OR6N1: variants seen among roughly 807,000 people sequenced by gnomAD.
OR6N1 encodes olfactory receptor family 6 subfamily N member 1.
For missense variants in OR6N1, 394 were observed against 371.7 expected (o/e 1.06, Z -0.49); for synonymous variants, 170 against 150.7 (o/e 1.13, Z -0.94).
At chr1:158,770,299 C>T (rs1417965115) in intron 1 of OR6N1, among the ~76,000 whole-genome samples, 1 of 152,158 alleles carries the variant, frequency 6.6e-6, no homozygotes, top group African/African-American at 2.4e-5. Flanking sequence ...CCATACTCTG[C>T]CTAAGCAATC....
chr1:158,773,291 C>T (rs183590401), upstream of OR6N1, among the ~76,000 whole-genome samples: 54 of 151,882 alleles, frequency 3.6e-4, no homozygotes, highest in African/African-American at 1.1e-3. Flanking sequence ...GACTAGTATA[C>T]GTAGAGTTTA....
At chr1:158,823,840 G>T in the OR6N1 span, among the ~76,000 whole-genome samples, 1 of 151,962 alleles carries the variant, frequency 6.6e-6, no homozygotes. Flanking sequence ...TTTGATGAGG[G>T]CATTTAGTGC....
chr1:158,807,304 GTACAGACA>G, the OR6N1 span, among the ~76,000 whole-genome samples: 1 of 152,192 alleles, frequency 6.6e-6, no homozygotes, highest in Non-Finnish European at 1.5e-5. Flanking sequence ...TTCTGGCATA[GTACAGACA>G]TACATAAAAT....
chr1:158,821,729 A>C, the OR6N1 span, among the ~76,000 whole-genome samples: 1 of 152,188 alleles, frequency 6.6e-6, no homozygotes, highest in African/African-American at 2.4e-5. Flanking sequence ...ATTATGAGTA[A>C]AGAGGCTATA....
chr1:158,827,211 C>T, the OR6N1 span, among the ~76,000 whole-genome samples: 1 of 152,176 alleles, frequency 6.6e-6, no homozygotes, highest in African/African-American at 2.4e-5. Flanking sequence ...ATTCAATTGC[C>T]TCAGCTCATT....
At chr1:158,820,918 G>A in the OR6N1 span, among the ~76,000 whole-genome samples, 2 of 152,190 alleles carry the variant, frequency 1.3e-5, no homozygotes, top group Non-Finnish European at 2.9e-5. Context: ...TTATTGGGAA[G>A]AATCAGGGGA....
chr1:158,822,270 T>C, the OR6N1 span, among the ~76,000 whole-genome samples: 3 of 152,210 alleles, frequency 2.0e-5, no homozygotes, highest in Non-Finnish European at 2.9e-5. Context: ...AGGAATAATA[T>C]TGAATTTGTA....
the OR6N1 span, among the ~76,000 whole-genome samples, chr1:158,819,993 T>C: frequency 1.3e-5 from 2 of 152,206 alleles, no homozygotes; most frequent in Non-Finnish European, 2.9e-5. Flanking sequence ...CTGACAGCCA[T>C]GAACAGAGAT....
At chr1:158,794,053 T>C in the OR6N1 span, among the ~76,000 whole-genome samples, 3 of 152,178 alleles carry the variant, frequency 2.0e-5, no homozygotes, top group East Asian at 1.9e-4. Context: ...TAGAGGGCGA[T>C]AGTGACTCTA....
At chr1:158,821,537 A>T in the OR6N1 span, among the ~76,000 whole-genome samples, 2 of 152,208 alleles carry the variant, frequency 1.3e-5, no homozygotes, top group Non-Finnish European at 2.9e-5. Flanking sequence ...TCATTTTAGA[A>T]TTATACAGTA....
At chr1:158,828,519 T>C in the OR6N1 span, among the ~76,000 whole-genome samples, 1 of 152,210 alleles carries the variant, frequency 6.6e-6, no homozygotes, top group Non-Finnish European at 1.5e-5. Flanking sequence ...CAGGTCATAT[T>C]GATGCAAGAG....
chr1:158,788,451 T>C, the OR6N1 span, among the ~76,000 whole-genome samples: 1 of 152,170 alleles, frequency 6.6e-6, no homozygotes. Context: ...CATGTATTTA[T>C]ATTTTTAATA....
the OR6N1 span, among the ~76,000 whole-genome samples, chr1:158,793,260 T>C: frequency 4.6e-5 from 7 of 152,134 alleles, no homozygotes; most frequent in Non-Finnish European, 1.0e-4. Context: ...CTTTTGAATG[T>C]CTTAACTGGT....
intron 1 of OR6N1, among the ~76,000 whole-genome samples, chr1:158,767,061 T>C (rs1657294565): frequency 6.6e-6 from 1 of 152,212 alleles, no homozygotes; most frequent in African/African-American, 2.4e-5. Flanking sequence ...TCATCTAAGG[T>C]AAAAATCATC....
At chr1:158,792,867 T>C in the OR6N1 span, among the ~76,000 whole-genome samples, 1 of 152,220 alleles carries the variant, frequency 6.6e-6, no homozygotes, top group Admixed American at 6.5e-5. Flanking sequence ...TTACCTGAAA[T>C]GGGTTTTCCA....
chr1:158,815,597 T>G, the OR6N1 span, among the ~76,000 whole-genome samples: 4 of 152,156 alleles, frequency 2.6e-5, no homozygotes, highest in African/African-American at 9.7e-5. Flanking sequence ...GCACTGCCAA[T>G]TCTACTGATC....
chr1:158,825,611 A>T, the OR6N1 span, among the ~76,000 whole-genome samples: 2 of 152,198 alleles, frequency 1.3e-5, no homozygotes, highest in Admixed American at 6.5e-5. Context: ...CTATTTTTAA[A>T]AAGTCAAAAA....
chr1:158,782,352 C>T, the OR6N1 span, among the ~76,000 whole-genome samples: 2 of 152,218 alleles, frequency 1.3e-5, no homozygotes, highest in Admixed American at 1.3e-4. Context: ...AGTGACTTAG[C>T]ATCTCACAGC....
the OR6N1 span, among the ~76,000 whole-genome samples, chr1:158,816,854 G>T: frequency 1.1e-4 from 17 of 152,280 alleles, no homozygotes; most frequent in African/African-American, 3.9e-4. Context: ...GTAATCATAG[G>T]ATCAAAACTC....
Sources: gnomAD v4.1 joint callset for allele counts (sites outside exome capture counted in the v4.1 genomes callset) on GRCh38, gnomAD v4.1.1 for gene constraint, MANE v1.5 for transcripts, NCBI Gene and HGNC (gene_info 2026-07-23, HGNC 2026-07-21) for gene names.